The following KCNIP4 variants were observed in gnomAD, a reference collection of about 807,000 sequenced individuals.
KCNIP4 encodes Kv channel-interacting protein 4.
KCNIP4 carries 12 observed loss-of-function variants against 34.0 expected under a neutral mutation model. The ratio of observed to expected loss-of-function variants is 0.35; its 90% CI spans 0.23 to 0.57. KCNIP4 has a LOEUF of 0.57. Among genes scored for constraint, KCNIP4 ranks in the 20% least tolerant of loss-of-function variants. The pLI, the probability that KCNIP4 is intolerant of heterozygous loss-of-function variation, is 0.83. For missense variants in KCNIP4, 238 were observed against 311.7 expected (o/e 0.76, Z 1.78); for synonymous variants, 124 against 102.2 (o/e 1.21, Z -1.29).
chr4:20,865,570 C>T (rs141600570), intron 2 of KCNIP4, among the ~76,000 whole-genome samples: 2 of 151,774 alleles, frequency 1.3e-5, no homozygotes, highest in Admixed American at 6.6e-5. Context: ...CATGAATGAA[C>T]CTGGAGGACC....
intron 1 of KCNIP4, among the ~76,000 whole-genome samples, chr4:21,509,213 G>A (rs990102220): frequency 9.2e-5 from 14 of 151,984 alleles, no homozygotes; most frequent in Non-Finnish European, 1.3e-4. Flanking sequence ...AGCATGTAAG[G>A]GGCCCTTTAC....
chr4:21,798,003 G>A (rs890355715), intron 1 of KCNIP4, among the ~76,000 whole-genome samples: 2 of 152,072 alleles, frequency 1.3e-5, no homozygotes, highest in African/African-American at 4.8e-5. Context: ...CTTATTATAC[G>A]AGGAGTATTT....
At chr4:20,950,472 G>C (rs866698763) in intron 1 of KCNIP4, among the ~76,000 whole-genome samples, 1 of 151,992 alleles carries the variant, frequency 6.6e-6, no homozygotes, top group Non-Finnish European at 1.5e-5. Flanking sequence ...CCCTGTTGCT[G>C]TTCTTTGATA....
At chr4:21,036,326 C>T (rs1034613982) in intron 1 of KCNIP4, among the ~76,000 whole-genome samples, 2 of 152,102 alleles carry the variant, frequency 1.3e-5, no homozygotes, top group Non-Finnish European at 1.5e-5. Flanking sequence ...CAAGTCTTAT[C>T]CCTTAATTTA....
chr4:21,165,469 A>AG (rs1300952376), intron 1 of KCNIP4, among the ~76,000 whole-genome samples: 1 of 148,660 alleles, frequency 6.7e-6, no homozygotes, highest in Non-Finnish European at 1.5e-5. Flanking sequence ...AAAAAAAAAA[A>AG]AAAAAAGAAA....
chr4:20,897,026 T>C (rs1161707419), intron 1 of KCNIP4, among the ~76,000 whole-genome samples: 1 of 152,114 alleles, frequency 6.6e-6, no homozygotes, highest in Non-Finnish European at 1.5e-5. Context: ...TTGTGTGAAA[T>C]TGGCATGTTC....
chr4:21,590,493 T>A (rs1742110230), intron 1 of KCNIP4, among the ~76,000 whole-genome samples: 1 of 151,694 alleles, frequency 6.6e-6, no homozygotes, highest in East Asian at 1.9e-4. Flanking sequence ...AGGTTGTATA[T>A]CCATGAAGCT....
chr4:21,111,031 GA>G (rs1369881641), intron 1 of KCNIP4, among the ~76,000 whole-genome samples: 1 of 152,180 alleles, frequency 6.6e-6, no homozygotes, highest in Non-Finnish European at 1.5e-5. Context: ...AATTTAAATA[GA>G]ATTTTAATGA....
At chr4:20,787,262 T>G (rs1353084862) in intron 3 of KCNIP4, among the ~76,000 whole-genome samples, 2 of 152,300 alleles carry the variant, frequency 1.3e-5, no homozygotes, top group East Asian at 1.9e-4. Context: ...TAAATTCCCT[T>G]TCAAACGCCT....
chr4:20,920,136 T>C (rs1352292349), intron 1 of KCNIP4, among the ~76,000 whole-genome samples: 1 of 152,198 alleles, frequency 6.6e-6, no homozygotes, highest in Non-Finnish European at 1.5e-5. Flanking sequence ...AATATCAAAT[T>C]ATATGCAATT....
chr4:21,541,180 C>CAAAAAAAA (rs60459395), intron 1 of KCNIP4, among the ~76,000 whole-genome samples: 37 of 107,480 alleles, frequency 3.4e-4, no homozygotes, highest in Non-Finnish European at 4.5e-4. Flanking sequence ...CAAAAGAAAA[C>CAAAAAAAA]AAAAAAAAAA....
chr4:21,399,103 G>A (rs915849412), intron 1 of KCNIP4, among the ~76,000 whole-genome samples: 3 of 152,084 alleles, frequency 2.0e-5, no homozygotes, highest in South Asian at 2.1e-4. Flanking sequence ...TCCTTCTCAC[G>A]TTAGCACCTC....
At chr4:21,470,895 CAGTT>C (rs935579995) in intron 1 of KCNIP4, among the ~76,000 whole-genome samples, 9 of 152,078 alleles carry the variant, frequency 5.9e-5, no homozygotes, top group Non-Finnish European at 1.3e-4. Flanking sequence ...TCTGCATCAG[CAGTT>C]AGTTTGGATC....
At chr4:21,354,765 C>T (rs1378130330) in intron 1 of KCNIP4, among the ~76,000 whole-genome samples, 2 of 152,118 alleles carry the variant, frequency 1.3e-5, no homozygotes, top group Non-Finnish European at 2.9e-5. Context: ...CAAGGATATC[C>T]AGGACTTGAA....
intron 1 of KCNIP4, among the ~76,000 whole-genome samples, chr4:21,287,589 T>G (rs2109192396): frequency 6.6e-6 from 1 of 152,262 alleles, no homozygotes; most frequent in Non-Finnish European, 1.5e-5. Context: ...GTAAGTTAAT[T>G]TACGTCTCAA....
At chr4:21,765,833 A>C (rs959601169) in intron 1 of KCNIP4, among the ~76,000 whole-genome samples, 4 of 151,324 alleles carry the variant, frequency 2.6e-5, no homozygotes, top group South Asian at 2.1e-4. Context: ...AAAAAAAAAA[A>C]AAAAAACAAA....
intron 1 of KCNIP4, among the ~76,000 whole-genome samples, chr4:21,130,271 A>G (rs968019247): frequency 2.0e-5 from 3 of 152,194 alleles, no homozygotes; most frequent in Admixed American, 1.3e-4. Flanking sequence ...TGCTTGAGGT[A>G]TCATTTCTAA....
intron 1 of KCNIP4, among the ~76,000 whole-genome samples, chr4:20,945,057 A>G (rs1732048915): frequency 6.6e-6 from 1 of 152,196 alleles, no homozygotes. Context: ...GAATCTCAGG[A>G]GATCTGGGCC....
intron 3 of KCNIP4, among the ~76,000 whole-genome samples, chr4:20,800,059 A>G (rs988757964): frequency 6.6e-6 from 1 of 152,228 alleles, no homozygotes; most frequent in African/African-American, 2.4e-5. Context: ...CTGTGGGGGA[A>G]GATAAGAACA....
Sources: allele counts gnomAD v4.1 joint callset (sites outside exome capture counted in the v4.1 genomes callset), GRCh38; gene constraint gnomAD v4.1.1; transcripts MANE v1.5; gene names NCBI Gene and HGNC (gene_info 2026-07-23, HGNC 2026-07-21).